The following PDE8B variants were observed in gnomAD, a reference collection of about 807,000 sequenced individuals.
The protein encoded by PDE8B is phosphodiesterase 8B, also known as high affinity cAMP-specific and IBMX-insensitive 3',5'-cyclic phosphodiesterase 8B.
Under a neutral mutation model 101.3 loss-of-function variants are expected in PDE8B, and 26 were observed. The ratio of observed to expected loss-of-function variants is 0.26; its 90% CI spans 0.19 to 0.36. The LOEUF is 0.36. Among genes scored for constraint, PDE8B ranks in the 10% least tolerant of loss-of-function variants. PDE8B has a pLI of 1.00. For synonymous variants in PDE8B, 424 were observed against 429.3 expected, an observed-to-expected ratio of 0.99 and a Z score of 0.15; for missense variants, 810 against 1,163.1, an observed-to-expected ratio of 0.70 and a Z score of 4.42.
intron 17 of PDE8B, among the ~76,000 whole-genome samples, chr5:77,414,587 ATT>A (rs35794220): frequency 7.2e-5 from 10 of 139,434 alleles, no homozygotes; most frequent in African/African-American, 1.3e-4. Context: ...TGCCCAGCCG[ATT>A]TTTTTTTTTT....
intron 17 of PDE8B, among the ~76,000 whole-genome samples, chr5:77,416,268 A>C (rs1350545138): frequency 6.6e-6 from 1 of 152,200 alleles, no homozygotes; most frequent in Non-Finnish European, 1.5e-5. Flanking sequence ...CAGTTACTTG[A>C]ATCTATTTCA....
chr5:77,339,243 C>T (rs922796411), intron 6 of PDE8B, among the ~76,000 whole-genome samples: 10 of 152,062 alleles, frequency 6.6e-5, no homozygotes, highest in African/African-American at 1.9e-4. Flanking sequence ...GCATTGGACC[C>T]GTTGTTGAGG....
rs1464363991 is a variant in PDE8B at position 77,337,250 on chromosome 5, A to C, written c.732A>C (p.Ile244=). Residue 244 remains isoleucine (I), a synonymous_variant, in exon 6 of 22, where the codon ATA becomes ATC. Coordinates refer to ENST00000264917, the MANE Select transcript of PDE8B (RefSeq NM_003719.5). ...FNRRFMENSS[I]IACYNELIQI... ...AGAGATTTATGGAGAATAGCAGCATAATTGCTTGCTATAATGAACTGATTC... is the reference window on the plus strand; with the variant it reads ...AGAGATTTATGGAGAATAGCAGCATCATTGCTTGCTATAATGAACTGATTC... The C allele has an allele frequency of 3.1e-6, 5 of 1,591,606 alleles. No homozygotes were observed. Among genetic ancestry groups the C allele is most frequent in the Non-Finnish European group, 3.4e-6 (4 of 1,161,604 alleles).
At chr5:77,172,598 A>C in the PDE8B span, among the ~76,000 whole-genome samples, 1 of 152,202 alleles carries the variant, frequency 6.6e-6, no homozygotes, top group Non-Finnish European at 1.5e-5. Context: ...AACCTCAATT[A>C]ATTCATCCAT....
At chr5:77,289,016 T>G (rs545925007) in intron 1 of PDE8B, among the ~76,000 whole-genome samples, 1 of 152,260 alleles carries the variant, frequency 6.6e-6, no homozygotes, top group East Asian at 1.9e-4. Context: ...TTTTTTCCCC[T>G]CTTTCTTCGC....
At chr5:77,131,527 TG>T in the PDE8B span, among the ~76,000 whole-genome samples, 5 of 152,340 alleles carry the variant, frequency 3.3e-5, 1 homozygote, top group East Asian at 9.6e-4. Flanking sequence ...AGTCCAGATG[TG>T]CAAACTTGGG....
chr5:77,290,188 G>GGC, intron 1 of PDE8B: 2 of 1,509,018 alleles, frequency 1.3e-6, no homozygotes, highest in Non-Finnish European at 1.8e-6. Flanking sequence ...CCATTGATGT[G>GGC]GCGCCTGCCT....
At chr5:77,102,788 C>T in the PDE8B span, among the ~76,000 whole-genome samples, 5 of 152,302 alleles carry the variant, frequency 3.3e-5, no homozygotes, top group Admixed American at 1.3e-4. Context: ...ACCCAGCTGC[C>T]AGCCACGCCT....
chr5:77,164,517 A>G, the PDE8B span, among the ~76,000 whole-genome samples: 1 of 152,128 alleles, frequency 6.6e-6, no homozygotes, highest in East Asian at 1.9e-4. Flanking sequence ...CCTTTACTCA[A>G]CTCATTCAGC....
chr5:77,231,248 T>C (rs947596888), intron 1 of PDE8B, among the ~76,000 whole-genome samples: 2 of 152,264 alleles, frequency 1.3e-5, no homozygotes, highest in Non-Finnish European at 1.5e-5. Context: ...GCAGACAGTG[T>C]GGAAATTGGA....
intron 18 of PDE8B, among the ~76,000 whole-genome samples, chr5:77,419,563 G>C (rs946672759): frequency 1.3e-5 from 2 of 152,120 alleles, no homozygotes; most frequent in African/African-American, 2.4e-5. Flanking sequence ...ATCACATAAG[G>C]GTCAGCTATC....
intron 20 of PDE8B, among the ~76,000 whole-genome samples, chr5:77,424,101 A>AGGG (rs1797365431): frequency 2.6e-5 from 4 of 152,164 alleles, no homozygotes; most frequent in African/African-American, 9.6e-5. Context: ...AAGAACAGGA[A>AGGG]GGGAGTGAGG....
intron 1 of PDE8B, among the ~76,000 whole-genome samples, chr5:77,242,820 C>G (rs1756045281): frequency 6.6e-6 from 1 of 152,110 alleles, no homozygotes; most frequent in Admixed American, 6.5e-5. Context: ...GCACCCACGA[C>G]CTCGCCTGGC....
intron 10 of PDE8B, among the ~76,000 whole-genome samples, chr5:77,378,049 C>CACACACACACACACA (rs1554093056): frequency 1.3e-5 from 2 of 148,366 alleles, no homozygotes; most frequent in African/African-American, 5.0e-5. Context: ...CACACACACA[C>CACACACACACACACA]CCCCTGTTGG....
chr5:77,325,623 G>T lies in PDE8B; in HGVS notation c.484G>T (p.Ala162Ser), dbSNP rs1775908045. 6.2e-7 allele frequency: 1 copy of T among 1,613,496 alleles called. No homozygotes were observed. The highest frequency in any genetic ancestry group is 8.5e-7 in the Non-Finnish European group (1 of 1,179,558). The change falls in exon 3 of 22, where the codon GCT (alanine) becomes TCT (serine). Residue 162 changes from alanine to serine, a missense_variant. Around this residue, in one of 4 missense-constraint regions of PDE8B, gnomAD observed 251 missense variants for 378.8 expected, o/e 0.66. Transcript: ENST00000264917. ...CDRAGYRCNIARTPESALECF... is the reference protein window; with the variant it reads ...CDRAGYRCNISRTPESALECF... The stretch of plus-strand genomic sequence containing the variant: ...CAGAGCTGGTTATAGATGCAATATT[G>T]CTCGGACTCCAGAGTCAGCCCTTGA...
intron 1 of PDE8B, among the ~76,000 whole-genome samples, chr5:77,274,861 A>C (rs1265747753): frequency 1.3e-5 from 2 of 152,226 alleles, no homozygotes; most frequent in Non-Finnish European, 2.9e-5. Context: ...AAATTGTCAT[A>C]AAAGTTTTAG....
intron 7 of PDE8B, among the ~76,000 whole-genome samples, chr5:77,348,836 C>T (rs937738396): frequency 6.6e-6 from 1 of 152,074 alleles, no homozygotes; most frequent in Non-Finnish European, 1.5e-5. Context: ...GTGTGTGCCA[C>T]AACAACTGGC....
At chr5:77,122,717 C>A in the PDE8B span, among the ~76,000 whole-genome samples, 5 of 152,178 alleles carry the variant, frequency 3.3e-5, no homozygotes, top group Admixed American at 1.3e-4. Context: ...CTACCTGAGC[C>A]TGAGCTGACA....
intron 10 of PDE8B, among the ~76,000 whole-genome samples, chr5:77,362,806 C>A (rs1193636386): frequency 6.6e-6 from 1 of 152,216 alleles, no homozygotes; most frequent in African/African-American, 2.4e-5. Context: ...GCTCTTCCTT[C>A]CTCCTGTCCT....
Sources: allele counts gnomAD v4.1 joint callset (sites outside exome capture counted in the v4.1 genomes callset), GRCh38; gene constraint gnomAD v4.1.1; regional missense constraint gnomAD v4.1.1; transcripts MANE v1.5; gene names NCBI Gene and HGNC (gene_info 2026-07-23, HGNC 2026-07-21).